Variants in WDR1 observed in about 807,000 individuals in gnomAD.
WDR1 encodes WD repeat domain 1, also known as WD repeat-containing protein 1.
Under a neutral mutation model 71.9 loss-of-function variants are expected in WDR1, and 21 were observed. The ratio of observed to expected loss-of-function variants is 0.29; its 90% CI spans 0.21 to 0.42. The LOEUF is 0.42. Ranked by LOEUF, WDR1 falls within the 10% of genes least tolerant of loss-of-function variation. The pLI, the probability that WDR1 is intolerant of heterozygous loss-of-function variation, is 1.00. For missense variants in WDR1, 696 were observed against 824.5 expected (o/e 0.84, Z 1.91); for synonymous variants, 424 against 347.4 (o/e 1.22, Z -2.45).
intron 2 of WDR1, among the ~76,000 whole-genome samples, chr4:10,104,371 GCT>G: frequency 6.6e-6 from 1 of 152,242 alleles, no homozygotes; most frequent in Non-Finnish European, 1.5e-5. Context: ...TCATTCCAGC[GCT>G]CTGTTCTCTT....
Position 10,099,153 on chromosome 4 carries a change from C to CGGG in WDR1, c.230-17_230-15dup, listed in dbSNP as rs1578437680. On this transcript the variant is annotated splice_polypyrimidine_tract_variant and intron_variant, in intron 3 of 14. Coordinates refer to ENST00000499869, the MANE Select transcript of WDR1 (RefSeq NM_017491.5). ...TCCCAGACACATCTGTGGGGCACAG[C>CGGG]GGGCGGGGGAGGGGGGGAGGCGGTG... The CGGG allele has an allele frequency of 3.8e-6, 1 of 266,600 alleles. No homozygotes were observed. Among genetic ancestry groups the CGGG allele is most frequent in the Non-Finnish European group, 5.7e-6 (1 of 174,814 alleles). 16.5% of individuals were successfully genotyped at this position (266,600 alleles called of 1,614,324 possible).
intron 2 of WDR1, among the ~76,000 whole-genome samples, chr4:10,114,891 C>A (rs1451754894): frequency 1.3e-5 from 2 of 152,212 alleles, no homozygotes; most frequent in East Asian, 3.9e-4. Context: ...GGAACAGCAG[C>A]GACTGCCTGG....
chr4:10,077,584 C>CA, intron 13 of WDR1, 136 bp from the exon 14 acceptor site: 1 of 1,495,596 alleles, frequency 6.7e-7, no homozygotes, highest in Non-Finnish European at 9.0e-7. Flanking sequence ...GCGACCCCTG[C>CA]AAACCCACTG....
chr4:10,075,306 G>A lies in WDR1; in HGVS notation c.*72C>T, dbSNP rs1764759291. ...CATGGGGGCGCGTCACAGAAATAGA[G>A]AAATGACATGTTCCGCTGCAGTTAA... On this transcript the variant is annotated 3_prime_UTR_variant, in exon 15 of 15. Coordinates refer to ENST00000499869, the MANE Select transcript of WDR1 (RefSeq NM_017491.5). The A allele has an allele frequency of 2.1e-6, 3 of 1,426,340 alleles. No homozygotes were observed. The highest frequency in any genetic ancestry group is 2.9e-6 in the Non-Finnish European group (3 of 1,017,950). The allele number at this position is 1,426,340 out of a possible 1,614,324, so 88.4% of individuals were successfully genotyped here.
intron 2 of WDR1, among the ~76,000 whole-genome samples, chr4:10,105,981 T>C (rs1412196325): frequency 3.9e-5 from 6 of 152,206 alleles, no homozygotes; most frequent in Non-Finnish European, 8.8e-5. Context: ...GCCAACATGT[T>C]ATGCAAAGTG....
chr4:10,097,279 G>A (rs899073057), intron 5 of WDR1, among the ~76,000 whole-genome samples: 11 of 152,254 alleles, frequency 7.2e-5, no homozygotes, highest in African/African-American at 2.4e-4. Flanking sequence ...CTTTGCAGGC[G>A]CATCACTGCC....
At chr4:10,084,255 C>T (rs1412617204) in intron 9 of WDR1, among the ~76,000 whole-genome samples, 188 bp downstream of exon 9, 2 of 152,176 alleles carry the variant, frequency 1.3e-5, no homozygotes, top group Non-Finnish European at 2.9e-5. Flanking sequence ...CCAAGGACAA[C>T]TCCAGGGGAC....
intron 10 of WDR1, among the ~76,000 whole-genome samples, chr4:10,082,068 G>A (rs1380290038): frequency 6.6e-6 from 1 of 152,190 alleles, no homozygotes; most frequent in Non-Finnish European, 1.5e-5. Context: ...GGGTTATCTG[G>A]CCCAGGGAAG....
chr4:10,087,908 A>G lies in WDR1; in HGVS notation c.750T>C (p.Leu250=). The part of the protein sequence containing the change: ...ISWSPDSTHL[L]SASGDKTSKI... ...TGGAAGTTTTGTCCCCAGAAGCAGA[A>G]AGCAAATGGGTGCTGTCGGGACTCC... Residue 250 remains leucine, a synonymous_variant, in exon 8 of 15, where the codon CTT becomes CTC. Transcript: ENST00000499869. 6.4e-7 allele frequency: 1 copy of G among 1,559,610 alleles called. No homozygotes were observed. Among genetic ancestry groups the G allele is most frequent in the East Asian group, 2.4e-5 (1 of 41,858 alleles).
chr4:10,116,577 C>T (rs2108813208), intron 1 of WDR1, 74 bp downstream of exon 1: 1 of 1,101,044 alleles, frequency 9.1e-7, no homozygotes, highest in African/African-American at 1.7e-5. Context: ...GCCACCCGCA[C>T]GGCGCCTAGG....
chr4:10,078,912 G>A lies in WDR1; in HGVS notation c.1374C>T (p.Asp458=). Residue 458 remains aspartate, a synonymous_variant, in exon 12 of 15, where the codon GAC becomes GAT. Coordinates refer to ENST00000499869, the MANE Select transcript of WDR1 (RefSeq NM_017491.5). ...TTACCACACCCCCAATTGCCACCGT[G>A]TCCCCGCCGGGGTGCACTGCCACAA... ...PEVVAVHPGG[D]TVAIGGVDGN... is the part of the protein sequence containing the mutation. 2 of 1,612,688 alleles carry A rather than the reference G, an allele frequency of 1.2e-6. No homozygotes were observed. The highest frequency in any genetic ancestry group is 1.7e-6 in the Non-Finnish European group (2 of 1,179,264).
intron 2 of WDR1, among the ~76,000 whole-genome samples, chr4:10,112,228 G>A (rs1258042950): frequency 6.6e-6 from 1 of 152,148 alleles, no homozygotes; most frequent in African/African-American, 2.4e-5. Flanking sequence ...ATAAGAGGCA[G>A]AGGTGATGCA....
At chr4:10,080,705 G>C (rs531883398) in intron 11 of WDR1, among the ~76,000 whole-genome samples, 1 of 152,318 alleles carries the variant, frequency 6.6e-6, no homozygotes, top group East Asian at 1.9e-4. Context: ...TGTATAAAGT[G>C]GGTCAGGCTT....
rs947266695 is a variant in WDR1, at chr4:10,077,856, T to C, written c.1466A>G (p.Lys489Arg). The change falls in exon 13 of 15, where the codon AAG becomes AGG. Residue 489 changes from lysine (K) to arginine (R), a missense_variant. By Grantham distance (26) the Lys-to-Arg change is conservative (BLOSUM62 2). Transcript: ENST00000499869. The stretch of plus-strand genomic sequence containing the variant: ...GTAGGCCACGTCGGTCACGGGGCCC[T>C]TGGCCTCTAGGAGCTTGCCCTCATC... Reference protein sequence around the residue: ...LKDEGKLLEAKGPVTDVAYSH... With the variant: ...LKDEGKLLEARGPVTDVAYSH... The C allele has an allele frequency of 1.6e-5, 25 of 1,611,042 alleles. No individual in the cohort carries two copies. Among genetic ancestry groups the C allele is most frequent in the Non-Finnish European group, 2.1e-5 (25 of 1,178,670 alleles).
At chr4:10,092,007 TA>T (rs1378485361) in intron 5 of WDR1, 1 of 152,268 alleles carries the variant, frequency 6.6e-6, no homozygotes, top group African/African-American at 2.4e-5. Context: ...GACCATGACA[TA>T]ACCACAGCTC....
At chr4:10,088,473 G>C in intron 6 of WDR1, 100 bp from the exon 7 acceptor site, 1 of 1,277,410 alleles carries the variant, frequency 7.8e-7, no homozygotes, top group Non-Finnish European at 1.1e-6. Flanking sequence ...GGGGCTCACA[G>C]ACTAAGCTCC....
At chr4:10,076,851 C>T in intron 14 of WDR1, 1 of 166,260 alleles carries the variant, frequency 6.0e-6, no homozygotes, top group East Asian at 1.7e-4. Flanking sequence ...ACATCACAAC[C>T]CCCTCAGGGA....
At chr4:10,093,121 C>G in intron 5 of WDR1, 4 of 1,289,436 alleles carry the variant, frequency 3.1e-6, no homozygotes, top group Non-Finnish European at 4.0e-6. Flanking sequence ...AGCGACAGAG[C>G]GCTGCAGGCC....
intron 2 of WDR1, among the ~76,000 whole-genome samples, chr4:10,113,294 G>A (rs1424876334): frequency 6.6e-6 from 1 of 152,234 alleles, no homozygotes; most frequent in Non-Finnish European, 1.5e-5. Flanking sequence ...CCGGCAGGTG[G>A]AGGTTGCAGT....
Sources: allele counts gnomAD v4.1 joint callset (sites outside exome capture counted in the v4.1 genomes callset), GRCh38; gene constraint gnomAD v4.1.1; transcripts MANE v1.5; gene names NCBI Gene and HGNC (gene_info 2026-07-23, HGNC 2026-07-21).